GRM5: variants seen among roughly 807,000 people sequenced by gnomAD.
GRM5 encodes the protein metabotropic glutamate receptor 5.
A neutral mutation model predicts 83.1 loss-of-function variants in GRM5; 19 were observed. That is an observed-to-expected ratio of 0.23 (90% CI 0.16 to 0.34). GRM5 has a LOEUF of 0.34. Ranked by LOEUF, GRM5 falls within the 10% of genes least tolerant of loss-of-function variation. The probability of loss-of-function intolerance (pLI) is 1.00; values close to 1 mark genes in which losing one functional copy is unlikely to be tolerated. For synonymous variants in GRM5, 675 were observed against 633.6 expected (o/e 1.07, Z -0.98); for missense variants, 1,160 against 1,588.3 (o/e 0.73, Z 4.58).
intron 2 of GRM5, among the ~76,000 whole-genome samples, chr11:88,949,288 C>T (rs376149341): frequency 6.6e-6 from 1 of 152,206 alleles, no homozygotes; most frequent in African/African-American, 2.4e-5. Context: ...TACTTTTGTG[C>T]TCCCACAGCT....
chr11:89,065,399 G>GT (rs113626208), intron 1 of GRM5, among the ~76,000 whole-genome samples: 5,964 of 142,428 alleles, frequency 0.042, 313 homozygotes, highest in African/African-American at 0.13. Context: ...TTCCTCCTCT[G>GT]TTTTTTTTTT....
chr11:88,645,921 G>A (rs762174771), intron 4 of GRM5, among the ~76,000 whole-genome samples: 1 of 152,146 alleles, frequency 6.6e-6, no homozygotes, highest in Non-Finnish European at 1.5e-5. Flanking sequence ...CCTACACCTT[G>A]AGATACAGCA....
At chr11:88,909,857 T>C (rs1332479649) in intron 2 of GRM5, among the ~76,000 whole-genome samples, 1 of 152,102 alleles carries the variant, frequency 6.6e-6, no homozygotes, top group East Asian at 1.9e-4. Flanking sequence ...ACAAATACGA[T>C]TTTTCCTGCT....
rs896928250 is a variant in GRM5, at chr11:88,554,534, A to AT, written c.2630+12518dup. On this transcript the variant is annotated intron_variant, in intron 8 of 9. Transcript: ENST00000305447. ...TTCATGCTATTGAAGATGTAATAAG[A>AT]TTTTTTTGTTTAATTTAGCTTTTGT... 4.6e-5 allele frequency among the ~76,000 whole-genome samples: 7 copies of AT among 152,130 alleles called. No homozygotes were observed. The East Asian group carries it at 9.6e-4, about 21-fold the overall frequency.
chr11:89,032,156 T>C (rs1011089650), intron 2 of GRM5, among the ~76,000 whole-genome samples: 9 of 152,188 alleles, frequency 5.9e-5, no homozygotes, highest in African/African-American at 2.2e-4. Flanking sequence ...CCTGGACACC[T>C]GATAAATTTC....
chr11:88,655,208 A>G (rs1344939902), intron 3 of GRM5, among the ~76,000 whole-genome samples: 1 of 152,112 alleles, frequency 6.6e-6, no homozygotes, highest in African/African-American at 2.4e-5. Flanking sequence ...ATCTTCCCTC[A>G]AGTTTCCCAT....
At position 88,984,901 on chromosome 11, in the gene GRM5, T is replaced by C. The variant is rs754692760; in HGVS notation, c.661+62311A>G. ...TGGCAAATCATGAAAATAAATTTTA[T>C]GTTGTTATCAATGATATTTTTAAAT... On this transcript the variant is annotated intron_variant, in intron 2 of 9. Coordinates refer to ENST00000305447, the MANE Select transcript of GRM5 (RefSeq NM_001143831.3). 2.1e-5 allele frequency: 14 copies of C among 652,494 alleles called. 1 individual carries two copies. In the South Asian group the frequency reaches 2.3e-4, roughly 11 times the overall value. The allele number at this position is 652,494 out of a possible 1,614,324, so 40.4% of individuals were successfully genotyped here.
chr11:88,650,176 ACAG>A (rs1237962640), intron 4 of GRM5, among the ~76,000 whole-genome samples: 1 of 151,946 alleles, frequency 6.6e-6, no homozygotes, highest in Non-Finnish European at 1.5e-5. Context: ...TTAATACAAA[ACAG>A]CAGAAAAGAC....
chr11:88,705,484 A>T (rs1011010438), intron 3 of GRM5, among the ~76,000 whole-genome samples: 1 of 151,948 alleles, frequency 6.6e-6, no homozygotes, highest in East Asian at 1.9e-4. Flanking sequence ...TTTCATCCCC[A>T]CACCTTATTT....
At chr11:88,687,571 A>ATTATATATATATAT (rs67868877) in intron 3 of GRM5, among the ~76,000 whole-genome samples, 2 of 27,588 alleles carry the variant, frequency 7.2e-5, no homozygotes, top group Non-Finnish European at 1.1e-4. Flanking sequence ...TTATATATAT[A>ATTATATATATATAT]TATATATAAT....
At chr11:88,837,757 C>T (rs1944117399) in intron 3 of GRM5, among the ~76,000 whole-genome samples, 1 of 152,100 alleles carries the variant, frequency 6.6e-6, no homozygotes. Context: ...TACATTTCAG[C>T]TTATATCTAG....
At chr11:88,884,027 T>C (rs1320997424) in intron 2 of GRM5, among the ~76,000 whole-genome samples, 2 of 151,678 alleles carry the variant, frequency 1.3e-5, no homozygotes, top group Non-Finnish European at 2.9e-5. Flanking sequence ...CCACACAGAG[T>C]CCCCACTAGG....
At chr11:88,653,666 G>A (rs1591414578) in intron 3 of GRM5, among the ~76,000 whole-genome samples, 1 of 151,914 alleles carries the variant, frequency 6.6e-6, no homozygotes, top group Non-Finnish European at 1.5e-5. Context: ...GGAGATTCTG[G>A]CACAATTTTA....
chr11:88,534,231 C>G (rs1007094510), intron 8 of GRM5, among the ~76,000 whole-genome samples: 19 of 152,178 alleles, frequency 1.2e-4, no homozygotes, highest in African/African-American at 4.6e-4. Flanking sequence ...GGGCTGCTGT[C>G]CTCCAGACGC....
chr11:88,902,656 G>A (rs1359868954), intron 2 of GRM5, among the ~76,000 whole-genome samples: 14 of 151,952 alleles, frequency 9.2e-5, no homozygotes, highest in South Asian at 2.1e-4. Flanking sequence ...ATAAATATGT[G>A]TGAAAATAAA....
chr11:88,554,838 G>A lies in GRM5; in HGVS notation c.2630+12215C>T, dbSNP rs143261836. Among the ~76,000 whole-genome samples the A allele has an allele frequency of 7.5e-4, 114 of 152,258 alleles. 1 individual carries two copies. In the East Asian group the frequency reaches 9.7e-3, roughly 13 times the overall value. On this transcript the variant is annotated intron_variant, in intron 8 of 9. Transcript: ENST00000305447. The stretch of plus-strand genomic sequence containing the variant: ...ATGGAATTTACCAGATGGGCAGAGT[G>A]GAGAGTATGCTTAATAACCAATAGC...
At chr11:88,587,890 T>C (rs150103825) in intron 7 of GRM5, among the ~76,000 whole-genome samples, 191 of 152,306 alleles carry the variant, frequency 1.3e-3, no homozygotes, top group African/African-American at 4.3e-3. Context: ...TCCTGTTTCT[T>C]TGTGTTTTCC....
At chr11:88,946,025 G>A (rs1273965632) in intron 2 of GRM5, among the ~76,000 whole-genome samples, 4 of 151,816 alleles carry the variant, frequency 2.6e-5, no homozygotes, top group Non-Finnish European at 5.9e-5. Flanking sequence ...TATAAGGAAT[G>A]TAAACAGTTC....
At chr11:89,032,759 G>T (rs1941291085) in intron 2 of GRM5, among the ~76,000 whole-genome samples, 1 of 151,918 alleles carries the variant, frequency 6.6e-6, no homozygotes, top group African/African-American at 2.4e-5. Context: ...ATAACACCTG[G>T]TATTTAAACT....
Sources: allele counts gnomAD v4.1 joint callset (sites outside exome capture counted in the v4.1 genomes callset), GRCh38; gene constraint gnomAD v4.1.1; transcripts MANE v1.5; gene names NCBI Gene and HGNC (gene_info 2026-07-23, HGNC 2026-07-21).